Variants in CDYL observed in about 807,000 individuals in gnomAD.
The protein encoded by CDYL is chromodomain Y like.
A neutral mutation model predicts 47.3 loss-of-function variants in CDYL; 8 were observed. That is an observed-to-expected ratio of 0.17 (90% CI 0.10 to 0.31). CDYL has a LOEUF of 0.31. Among genes scored for constraint, CDYL ranks in the 10% least tolerant of loss-of-function variants. The pLI is 1.00. For synonymous variants in CDYL, 266 were observed against 265.0 expected (o/e 1.00, Z -0.04); for missense variants, 471 against 701.4 (o/e 0.67, Z 3.71).
At chr6:4,781,633 T>A (rs1449008252) in intron 1 of CDYL, among the ~76,000 whole-genome samples, 3 of 152,214 alleles carry the variant, frequency 2.0e-5, no homozygotes, top group Non-Finnish European at 4.4e-5. Context: ...TTTCAATTCC[T>A]GTGTACCAGA....
intron 1 of CDYL, among the ~76,000 whole-genome samples, chr6:4,799,293 C>T (rs149528657): frequency 6.6e-6 from 1 of 152,024 alleles, no homozygotes; most frequent in Admixed American, 6.5e-5. Flanking sequence ...TTTTTGGAAT[C>T]TATTCAGAAT....
intron 1 of CDYL, among the ~76,000 whole-genome samples, chr6:4,804,996 C>T (rs963586507): frequency 3.3e-5 from 5 of 152,148 alleles, no homozygotes; most frequent in African/African-American, 4.8e-5. Context: ...ATAGTAGCTG[C>T]ATGGTTAACG....
intron 3 of CDYL, among the ~76,000 whole-genome samples, chr6:4,759,932 GA>G (rs1561839304): frequency 0.032 from 1,949 of 61,512 alleles, 152 homozygotes; most frequent in African/African-American, 0.074. Flanking sequence ...AAAAGAAGAA[GA>G]AAGAAAAGAA....
At chr6:4,870,068 T>A (rs1427156441) in intron 1 of CDYL, among the ~76,000 whole-genome samples, 2 of 152,180 alleles carry the variant, frequency 1.3e-5, no homozygotes, top group Non-Finnish European at 2.9e-5. Flanking sequence ...AAATAATTTA[T>A]TCATTTATTG....
At chr6:4,807,933 T>G (rs1340616443) in intron 1 of CDYL, among the ~76,000 whole-genome samples, 11 of 152,140 alleles carry the variant, frequency 7.2e-5, no homozygotes, top group African/African-American at 2.4e-5. Flanking sequence ...CACTTAGATT[T>G]TTTTTTAACT....
chr6:4,950,668 T>G (rs935298375), intron 5 of CDYL, among the ~76,000 whole-genome samples: 2 of 152,108 alleles, frequency 1.3e-5, no homozygotes, highest in African/African-American at 4.8e-5. Context: ...TTTCTCCAAG[T>G]TGGTAATCCC....
intron 1 of CDYL, among the ~76,000 whole-genome samples, chr6:4,852,386 C>T (rs1181999573): frequency 7.6e-6 from 1 of 132,250 alleles, no homozygotes; most frequent in African/African-American, 3.7e-5. Flanking sequence ...TCCTTCCTAT[C>T]TTCCTTCCTT....
At chr6:4,869,822 A>G (rs1006774865) in intron 1 of CDYL, among the ~76,000 whole-genome samples, 1 of 152,184 alleles carries the variant, frequency 6.6e-6, no homozygotes, top group African/African-American at 2.4e-5. Flanking sequence ...GCTTTATACA[A>G]TGTTATGTCA....
At chr6:4,812,513 T>C (rs1759558745) in intron 1 of CDYL, among the ~76,000 whole-genome samples, 1 of 152,340 alleles carries the variant, frequency 6.6e-6, no homozygotes, top group Non-Finnish European at 1.5e-5. Flanking sequence ...TGACTCTTAC[T>C]TTGTTTCAGT....
At chr6:4,909,076 A>G (rs1757328181) in intron 2 of CDYL, among the ~76,000 whole-genome samples, 1 of 152,204 alleles carries the variant, frequency 6.6e-6, no homozygotes, top group Admixed American at 6.5e-5. Flanking sequence ...CCCAGGTCAT[A>G]AGATGGTGTT....
rs535122790 is a variant in CDYL at position 4,818,259 on chromosome 6, AATAAAATAAAAT to A, written c.24+41466_24+41477del. On this transcript the variant is annotated intron_variant, in intron 1 of 6. Coordinates refer to ENST00000397588, the MANE Select transcript of CDYL (RefSeq NM_004824.4). ...GATAAAGTGAGCCCCTGTCTCAAAA[AATAAAATAAAAT>A]ATAAAATAAAATAAAATGGAAAACA... Among the ~76,000 whole-genome samples, 574 of 152,302 alleles carry A rather than the reference AATAAAATAAAAT, an allele frequency of 3.8e-3. 4 individuals carry two copies. The highest frequency in any genetic ancestry group is 6.8e-3 in the South Asian group (33 of 4,832).
intron 4 of CDYL, among the ~76,000 whole-genome samples, chr6:4,942,205 A>G (rs543520183): frequency 2.6e-5 from 4 of 152,322 alleles, no homozygotes; most frequent in Admixed American, 2.0e-4. Context: ...TTCTTGCTCA[A>G]TGCAAAGATC....
At chr6:4,728,865 C>CT (rs1757557598) in intron 2 of CDYL, among the ~76,000 whole-genome samples, 1 of 152,196 alleles carries the variant, frequency 6.6e-6, no homozygotes, top group African/African-American at 2.4e-5. Flanking sequence ...AATGACTTCT[C>CT]TACAATCCAG....
intron 1 of CDYL, among the ~76,000 whole-genome samples, chr6:4,709,412 G>T (rs1294745010): frequency 6.6e-6 from 1 of 152,140 alleles, no homozygotes; most frequent in Non-Finnish European, 1.5e-5. Context: ...TGGTCAAGCT[G>T]GTCTTGAACT....
chr6:4,924,489 C>T (rs1371048471), intron 2 of CDYL, among the ~76,000 whole-genome samples: 1 of 152,220 alleles, frequency 6.6e-6, no homozygotes, highest in Non-Finnish European at 1.5e-5. Flanking sequence ...TACACCTCCT[C>T]TGTTCTCAGG....
At chr6:4,831,615 G>A in intron 1 of CDYL, among the ~76,000 whole-genome samples, 1 of 152,032 alleles carries the variant, frequency 6.6e-6, no homozygotes, top group Non-Finnish European at 1.5e-5. Flanking sequence ...ATTCTGTGAA[G>A]AAAGTCATTG....
At chr6:4,765,664 A>C (rs9504246) in intron 3 of CDYL, among the ~76,000 whole-genome samples, 2,672 of 151,990 alleles carry the variant, frequency 0.018, 46 homozygotes, top group African/African-American at 0.041. Context: ...TCCAGGTTCA[A>C]GTGATTCTCT....
chr6:4,825,995 C>T (rs758879239), intron 1 of CDYL, among the ~76,000 whole-genome samples: 1 of 152,202 alleles, frequency 6.6e-6, no homozygotes, highest in Non-Finnish European at 1.5e-5. Flanking sequence ...AACCTTTGGC[C>T]TCAGAGCCAC....
intron 2 of CDYL, among the ~76,000 whole-genome samples, chr6:4,908,791 C>A (rs1256925530): frequency 6.6e-6 from 1 of 152,228 alleles, no homozygotes. Context: ...CTCTGCCCTG[C>A]AGCTTCTCAC....
Sources: allele counts gnomAD v4.1 joint callset (sites outside exome capture counted in the v4.1 genomes callset), GRCh38; gene constraint gnomAD v4.1.1; transcripts MANE v1.5; gene names NCBI Gene and HGNC (gene_info 2026-07-23, HGNC 2026-07-21).